Variants in PLCXD1 observed in about 807,000 individuals in gnomAD.
The protein encoded by PLCXD1 is PI-PLC X domain-containing protein 1.
Under a neutral mutation model 37.8 loss-of-function variants are expected in PLCXD1, and 45 were observed. The ratio of observed to expected loss-of-function variants is 1.19; its 90% confidence interval spans 0.94 to 1.53. The LOEUF (loss-of-function observed/expected upper bound fraction) is 1.53, where lower values mean the gene tolerates loss of function less well. Ranked by LOEUF, PLCXD1 falls within the 40% of genes most tolerant of loss-of-function variation. The pLI is 0.00. For missense variants in PLCXD1, 539 were observed against 454.7 expected, an observed-to-expected ratio of 1.19 and a Z score of -1.69; for synonymous variants, 246 against 206.9, an observed-to-expected ratio of 1.19 and a Z score of -1.62.
At chrX:297,224 A>C (rs369470899) in intron 6 of PLCXD1, among the ~76,000 whole-genome samples, 33 of 21,790 alleles carry the variant, frequency 1.5e-3, no homozygotes, top group Non-Finnish European at 1.7e-3. Flanking sequence ...TATTCTGTCT[A>C]TCACATGGGG....
chrX:278,712 C>G (rs2069201324), upstream of PLCXD1, among the ~76,000 whole-genome samples: 1 of 131,892 alleles, frequency 7.6e-6, no homozygotes, highest in South Asian at 2.4e-4. Context: ...GCACTCCAGC[C>G]TGGGAGACAG....
intron 6 of PLCXD1, among the ~76,000 whole-genome samples, chrX:297,475 TG>T (rs1207883805): frequency 1.4e-5 from 1 of 70,588 alleles, no homozygotes; most frequent in Non-Finnish European, 2.6e-5. Flanking sequence ...GTCTCCCACA[TG>T]GGGATTAGGA....
At chrX:282,636 C>T (rs1377270058) in intron 1 of PLCXD1, among the ~76,000 whole-genome samples, 7 of 147,360 alleles carry the variant, frequency 4.8e-5, no homozygotes, top group African/African-American at 2.5e-5. Context: ...ACCTGGGAGG[C>T]GGAGGTTGCA....
intron 4 of PLCXD1, among the ~76,000 whole-genome samples, chrX:291,140 T>TC (rs1340584805): frequency 7.1e-6 from 1 of 139,990 alleles, no homozygotes; most frequent in Non-Finnish European, 1.5e-5. Context: ...CGGAGATTTC[T>TC]TTTTTTTTTG....
At chrX:292,904 C>T (rs752189558) in intron 5 of PLCXD1, 131 bp from the exon 6 acceptor site, 62 of 599,680 alleles carry the variant, frequency 1.0e-4, no homozygotes, top group African/African-American at 7.4e-4. Context: ...TCAGCCACTG[C>T]GCCCGGCCAG....
intron 6 of PLCXD1, among the ~76,000 whole-genome samples, chrX:296,519 A>G (rs2069813596): frequency 6.6e-6 from 1 of 152,202 alleles, no homozygotes; most frequent in Non-Finnish European, 1.5e-5. Context: ...TGGTCAACAC[A>G]GGGGCACTGG....
rs1158373702 is a variant in PLCXD1, at chrX:299,492, G to A, written c.*157G>A. Reference sequence around the variant, plus strand: ...TAGAGATGGGGTGGCTGGGCGTGGTGACTTCGCCTGTCTTCCCAGCACTTT... The same window carrying A: ...TAGAGATGGGGTGGCTGGGCGTGGTAACTTCGCCTGTCTTCCCAGCACTTT... On this transcript the variant is annotated 3_prime_UTR_variant, in exon 7 of 7. Transcript: ENST00000381657. The A allele has an allele frequency of 3.0e-6, 2 of 656,560 alleles. No homozygotes were observed. The highest frequency in any genetic ancestry group is 3.6e-5 in the African/African-American group (2 of 55,602). 40.7% of individuals were successfully genotyped at this position (656,560 alleles called of 1,614,324 possible).
At chrX:283,657 GGCCCGGGTGGGGGCGGCCTTGGTGTC>G (rs2069351688) in intron 1 of PLCXD1, 1 of 151,106 alleles carries the variant, frequency 6.6e-6, no homozygotes, top group Non-Finnish European at 1.5e-5. Context: ...CTTGGTGTCA[GGCCCGGGTGGGGGCGGCCTTGGTGTC>G]AGGCACGGGT....
At chrX:295,901 C>CG (rs1278747850) in intron 6 of PLCXD1, among the ~76,000 whole-genome samples, 1 of 151,920 alleles carries the variant, frequency 6.6e-6, no homozygotes, top group Non-Finnish European at 1.5e-5. Context: ...AGTGCAATGG[C>CG]GCAATCTTGG....
At chrX:289,665 C>G (rs776833003) in intron 3 of PLCXD1, among the ~76,000 whole-genome samples, 34 of 151,876 alleles carry the variant, frequency 2.2e-4, no homozygotes, top group African/African-American at 8.2e-4. Context: ...GCTCCCGCGA[C>G]CACGCCCGGC....
chrX:288,698 G>A (rs770509116), intron 2 of PLCXD1, 35 bp from the exon 3 acceptor site: 18 of 1,612,408 alleles, frequency 1.1e-5, no homozygotes, highest in African/African-American at 1.1e-4. Context: ...GGACGGACTC[G>A]TGGTGACATG....
At chrX:295,373 G>C (rs1008799157) in intron 6 of PLCXD1, among the ~76,000 whole-genome samples, 1 of 152,022 alleles carries the variant, frequency 6.6e-6, no homozygotes, top group Non-Finnish European at 1.5e-5. Flanking sequence ...TGCAGCCTGC[G>C]GCTGGGTTCT....
At chrX:288,015 C>G (rs1186631641) in intron 2 of PLCXD1, among the ~76,000 whole-genome samples, 2 of 152,012 alleles carry the variant, frequency 1.3e-5, no homozygotes, top group African/African-American at 4.8e-5. Context: ...CTGCCTCTCC[C>G]AGCTCCTGGG....
At chrX:290,484 C>T (rs1046102442) in intron 3 of PLCXD1, among the ~76,000 whole-genome samples, 164 bp from the exon 4 acceptor site, 4 of 151,966 alleles carry the variant, frequency 2.6e-5, no homozygotes, top group Non-Finnish European at 4.4e-5. Context: ...AAATGCAGGT[C>T]CCCGTGGCTG....
upstream of PLCXD1, among the ~76,000 whole-genome samples, chrX:279,991 GGC>G (rs1302823999): frequency 6.6e-6 from 1 of 152,044 alleles, no homozygotes; most frequent in South Asian, 2.1e-4. Flanking sequence ...TGGGACTACA[GGC>G]GCGCGCCAGC....
rs1041288823 is a variant in PLCXD1, at chrX:300,575, C to CATGTAT, written c.*1245_*1250dup. 6.8e-6 allele frequency: 1 copy of CATGTAT among 146,940 alleles called. No individual in the cohort carries two copies. Among genetic ancestry groups the CATGTAT allele is most frequent in the African/African-American group, 2.6e-5 (1 of 37,772 alleles). The allele number at this position is 146,940 out of a possible 1,614,324, so 9.1% of individuals were successfully genotyped here. ...GTATGCATGTATATGTGTATGTGTACATGTATATGTGTTTATACATGTATA... is the reference window on the plus strand; with the variant it reads ...GTATGCATGTATATGTGTATGTGTACATGTATATGTATATGTGTTTATACATGTATA... On this transcript the variant is annotated 3_prime_UTR_variant, in exon 7 of 7. Transcript: ENST00000381657.
At position 299,502 on chromosome X, in the gene PLCXD1, G is replaced by GTC; in HGVS notation, c.*169_*170dup. ...GTGGCTGGGCGTGGTGACTTCGCCT[G>GTC]TCTTCCCAGCACTTTGGGAGGCCGA... On this transcript the variant is annotated 3_prime_UTR_variant, in exon 7 of 7. Coordinates refer to ENST00000381657, the MANE Select transcript of PLCXD1 (RefSeq NM_018390.4). 1 of 638,586 alleles carries GTC rather than the reference G, an allele frequency of 1.6e-6. No homozygotes were observed. The highest frequency in any genetic ancestry group is 2.7e-5 in the East Asian group (1 of 36,654). 39.6% of individuals were successfully genotyped at this position (638,586 alleles called of 1,614,324 possible). A position where few individuals can be genotyped will look rare whatever the true frequency, so the allele number is the denominator to read the frequency against.
chrX:296,347 ACTC>A (rs1038381561), intron 6 of PLCXD1, among the ~76,000 whole-genome samples: 2 of 147,786 alleles, frequency 1.4e-5, no homozygotes, highest in African/African-American at 5.0e-5. Context: ...CTGGTCTTGA[ACTC>A]CTGACCTCAT....
chrX:295,074 G>A (rs1418347739), intron 6 of PLCXD1, among the ~76,000 whole-genome samples: 1 of 150,564 alleles, frequency 6.6e-6, no homozygotes, highest in Non-Finnish European at 1.5e-5. Context: ...GGAGGCTGAG[G>A]CAGGAGAATT....
Sources: gnomAD v4.1 joint callset for allele counts (sites outside exome capture counted in the v4.1 genomes callset) on GRCh38, gnomAD v4.1.1 for gene constraint, MANE v1.5 for transcripts, NCBI Gene and HGNC (gene_info 2026-07-23, HGNC 2026-07-21) for gene names.